The following XRCC4 variants were observed in gnomAD, a reference collection of about 807,000 sequenced individuals.
XRCC4 encodes DNA repair protein XRCC4.
Under a neutral mutation model 39.1 loss-of-function variants are expected in XRCC4, and 28 were observed. The observed-to-expected ratio is 0.72, with a 90% CI of 0.53 to 0.98. The LOEUF (loss-of-function observed/expected upper bound fraction) is 0.98. Among genes scored for constraint, XRCC4 ranks in the 50% least tolerant of loss-of-function variants. The probability of loss-of-function intolerance (pLI) is 0.00; values close to 1 mark genes in which losing one functional copy is unlikely to be tolerated. For missense variants in XRCC4, 350 were observed against 376.4 expected, an observed-to-expected ratio of 0.93 and a Z score of 0.58; for synonymous variants, 123 against 126.4, an observed-to-expected ratio of 0.97 and a Z score of 0.18.
intron 7 of XRCC4, among the ~76,000 whole-genome samples, chr5:83,350,496 T>C (rs1424185926): frequency 2.0e-5 from 3 of 152,182 alleles, no homozygotes; most frequent in Admixed American, 2.0e-4. Flanking sequence ...TGGCTTTGAT[T>C]TGCATTTCTC....
intron 7 of XRCC4, among the ~76,000 whole-genome samples, chr5:83,309,296 AATATATATATATAT>A (rs1225850304): frequency 4.2e-5 from 3 of 72,232 alleles, no homozygotes; most frequent in South Asian, 1.2e-3. Context: ...AAAAAAAAAA[AATATATATATATAT>A]ATATATATAT....
At chr5:83,135,914 T>C (rs1747875941) in intron 3 of XRCC4, among the ~76,000 whole-genome samples, 1 of 152,232 alleles carries the variant, frequency 6.6e-6, no homozygotes, top group South Asian at 2.1e-4. Context: ...TGTTTTTCTT[T>C]TTCTTTGCAT....
chr5:83,284,225 T>A (rs1754660665), intron 7 of XRCC4, among the ~76,000 whole-genome samples: 1 of 152,116 alleles, frequency 6.6e-6, no homozygotes, highest in African/African-American at 2.4e-5. Flanking sequence ...CATTTGATGT[T>A]TAATTCTTCT....
intron 3 of XRCC4, among the ~76,000 whole-genome samples, chr5:83,112,432 A>AC (rs1746486726): frequency 6.6e-6 from 1 of 152,164 alleles, no homozygotes. Context: ...TTGTGCAGCG[A>AC]TTTTCTAGTT....
In XRCC4 at chr5:83,260,844, G is replaced by A. The variant is rs28360238; in HGVS notation, c.893+2167G>A. ...TGTAAACCATATCAGCTTTGGTAACGGTCTGCTAATTATATCATTGTAGGC... is the reference window on the plus strand; with the variant it reads ...TGTAAACCATATCAGCTTTGGTAACAGTCTGCTAATTATATCATTGTAGGC... On this transcript the variant is annotated intron_variant, in intron 7 of 7. Coordinates refer to ENST00000396027, the MANE Select transcript of XRCC4 (RefSeq NM_003401.5). Among the ~76,000 whole-genome samples, 520 of 151,870 alleles carry A rather than the reference G, an allele frequency of 3.4e-3. 11 individuals carry two copies. The East Asian group carries it at 0.072, about 21-fold the overall frequency.
chr5:83,266,542 A>C (rs964205935), intron 7 of XRCC4, among the ~76,000 whole-genome samples: 14 of 151,964 alleles, frequency 9.2e-5, no homozygotes, highest in Non-Finnish European at 2.1e-4. Flanking sequence ...GAAATTAAAA[A>C]TATATAATGA....
intron 6 of XRCC4, among the ~76,000 whole-genome samples, chr5:83,214,465 T>C (rs1418550778): frequency 6.6e-6 from 1 of 152,112 alleles, no homozygotes; most frequent in Non-Finnish European, 1.5e-5. Flanking sequence ...TGTATTCCTA[T>C]AATCCCAGAA....
At chr5:83,363,331 G>A in the XRCC4 span, among the ~76,000 whole-genome samples, 1 of 151,990 alleles carries the variant, frequency 6.6e-6, no homozygotes, top group Non-Finnish European at 1.5e-5. Context: ...GAGAAGATAG[G>A]GTAGGCTACC....
intron 6 of XRCC4, among the ~76,000 whole-genome samples, chr5:83,246,442 C>G (rs1418915224): frequency 6.6e-6 from 1 of 152,096 alleles, no homozygotes; most frequent in Non-Finnish European, 1.5e-5. Context: ...TATAGATTAA[C>G]AAATCTGGCA....
chr5:83,135,138 C>G (rs1345518815), intron 3 of XRCC4, among the ~76,000 whole-genome samples: 1 of 152,196 alleles, frequency 6.6e-6, no homozygotes, highest in East Asian at 1.9e-4. Flanking sequence ...CATCCCTTGG[C>G]TAGGAAAGGT....
At chr5:83,334,382 G>A (rs1420041583) in intron 7 of XRCC4, among the ~76,000 whole-genome samples, 1 of 152,178 alleles carries the variant, frequency 6.6e-6, no homozygotes, top group East Asian at 1.9e-4. Flanking sequence ...ACATTACCTA[G>A]AAAGAGTATA....
At position 83,277,394 on chromosome 5, in the gene XRCC4, G is replaced by A. The variant is rs79949379; in HGVS notation, c.893+18717G>A. Among the ~76,000 whole-genome samples, 21 of 152,338 alleles carry A rather than the reference G, an allele frequency of 1.4e-4. No homozygotes were observed. In the East Asian group the frequency reaches 4.1e-3, roughly 29 times the overall value. ...ATAGCAACTGGCAAAGTTGGTGGCT[G>A]CCCTGTCATCCTGGATCCTGGAATA... On this transcript the variant is annotated intron_variant, in intron 7 of 7. Transcript: ENST00000396027.
At chr5:83,266,454 A>G (rs894618770) in intron 7 of XRCC4, among the ~76,000 whole-genome samples, 2 of 151,720 alleles carry the variant, frequency 1.3e-5, no homozygotes, top group Non-Finnish European at 2.9e-5. Flanking sequence ...CCAAAATAAG[A>G]AGATATGAAC....
intron 1 of XRCC4, among the ~76,000 whole-genome samples, chr5:83,088,601 C>G (rs562104191): frequency 6.6e-5 from 10 of 152,310 alleles, no homozygotes; most frequent in Admixed American, 3.9e-4. Context: ...TTCTCTTGCA[C>G]AAAGTAGTGT....
At chr5:83,256,623 C>G (rs1452448409) in intron 6 of XRCC4, among the ~76,000 whole-genome samples, 1 of 149,594 alleles carries the variant, frequency 6.7e-6, no homozygotes, top group Admixed American at 6.6e-5. Flanking sequence ...GGAAATCTTT[C>G]AGCTTGAATG....
At chr5:83,333,381 CA>C (rs1406553841) in intron 7 of XRCC4, among the ~76,000 whole-genome samples, 2 of 152,162 alleles carry the variant, frequency 1.3e-5, no homozygotes, top group Non-Finnish European at 2.9e-5. Flanking sequence ...TTATCTTCTG[CA>C]TGCTAGACTT....
At chr5:83,327,613 A>G (rs1175471394) in intron 7 of XRCC4, among the ~76,000 whole-genome samples, 1 of 152,114 alleles carries the variant, frequency 6.6e-6, no homozygotes, top group East Asian at 1.9e-4. Flanking sequence ...TATACCATAA[A>G]TATATACAAT....
At chr5:83,335,472 GAGA>G (rs1401499137) in intron 7 of XRCC4, among the ~76,000 whole-genome samples, 3 of 151,920 alleles carry the variant, frequency 2.0e-5, no homozygotes, top group African/African-American at 4.8e-5. Context: ...CCTTCTGTAA[GAGA>G]AGATGTGTTC....
At chr5:83,204,049 A>G (rs1312126677) in intron 5 of XRCC4, among the ~76,000 whole-genome samples, 1 of 152,164 alleles carries the variant, frequency 6.6e-6, no homozygotes, top group East Asian at 1.9e-4. Flanking sequence ...TGTAATCTTG[A>G]TGTCTAGGCA....
Sources: allele counts gnomAD v4.1 joint callset (sites outside exome capture counted in the v4.1 genomes callset), GRCh38; gene constraint gnomAD v4.1.1; transcripts MANE v1.5; gene names NCBI Gene and HGNC (gene_info 2026-07-23, HGNC 2026-07-21).